Variants in PTPRD observed in about 807,000 individuals in gnomAD.
PTPRD encodes receptor-type tyrosine-protein phosphatase delta.
Under a neutral mutation model 214.5 loss-of-function variants are expected in PTPRD, and 34 were observed. That is an observed-to-expected ratio of 0.16 (90% confidence interval 0.12 to 0.21). The LOEUF (loss-of-function observed/expected upper bound fraction) is 0.21, where lower values mean the gene tolerates loss of function less well. PTPRD is among the 10% of genes least tolerant of loss of function. The pLI, the probability that PTPRD is intolerant of heterozygous loss-of-function variation, is 1.00. For synonymous variants in PTPRD, 1,128 were observed against 845.7 expected (o/e 1.33, Z -5.79); for missense variants, 2,545 against 2,398.7 (o/e 1.06, Z -1.27).
intron 3 of PTPRD, among the ~76,000 whole-genome samples, chr9:10,291,900 T>G (rs1484326826): frequency 6.6e-6 from 1 of 152,174 alleles, no homozygotes; most frequent in East Asian, 1.9e-4. Context: ...TACTGATAAG[T>G]GCACCGGGGA....
At chr9:9,750,587 T>C (rs2098507400) in intron 6 of PTPRD, among the ~76,000 whole-genome samples, 1 of 152,144 alleles carries the variant, frequency 6.6e-6, no homozygotes, top group African/African-American at 2.4e-5. Context: ...TAAATTGTAA[T>C]GTGAAACTCT....
Position 9,593,094 on chromosome 9 carries a change from AAGAC to A in PTPRD, c.-286-18317_-286-18314del, listed in dbSNP as rs199568841. On this transcript the variant is annotated intron_variant, in intron 7 of 45. Coordinates refer to ENST00000381196, the MANE Select transcript of PTPRD (RefSeq NM_002839.4). ...AAAAAAAGAAAGAGAGAGAGGAAGA[AAGAC>A]AGAGAGAGAGAAAGGAAGGAAGGAA... 2.2e-4 allele frequency among the ~76,000 whole-genome samples: 34 copies of A among 151,192 alleles called. No homozygotes were observed. In the East Asian group the frequency reaches 4.9e-3, roughly 22 times the overall value.
At chr9:10,513,492 GGCAATTGCAA>G (rs1424157168) in intron 2 of PTPRD, among the ~76,000 whole-genome samples, 3 of 152,098 alleles carry the variant, frequency 2.0e-5, no homozygotes, top group African/African-American at 7.2e-5. Context: ...GAAGAGCAAT[GGCAATTGCAA>G]GCATACAGGA....
chr9:9,976,671 G>C (rs1414602503), intron 4 of PTPRD, among the ~76,000 whole-genome samples: 9 of 90,660 alleles, frequency 9.9e-5, no homozygotes, highest in Non-Finnish European at 1.4e-4. Flanking sequence ...ACAGGTGTGA[G>C]CCACTACACC....
intron 11 of PTPRD, among the ~76,000 whole-genome samples, chr9:8,768,506 T>C (rs547379648): frequency 1.6e-4 from 24 of 152,204 alleles, no homozygotes; most frequent in African/African-American, 4.3e-4. Flanking sequence ...TGAGCACAGA[T>C]TGAACCACTG....
chr9:9,208,023 T>TTTTTTTTTTTTTTTTTA lies in PTPRD; in HGVS notation c.-202-24661_-202-24660insTAAAAAAAAAAAAAAAA, dbSNP rs1349438560. Among the ~76,000 whole-genome samples, 3 of 104,386 alleles carry TTTTTTTTTTTTTTTTTA rather than the reference T, an allele frequency of 2.9e-5. 1 individual carries two copies. In the East Asian group the frequency reaches 1.0e-3, roughly 35 times the overall value. 68.5% of individuals were successfully genotyped at this position (104,386 alleles called of 152,430 possible). The stretch of plus-strand genomic sequence containing the variant: ...TATGGCTATTCATATATATCTGCTT[T>TTTTTTTTTTTTTTTTTA]TTTTTTTTTTTTTTGAGACAGAGCT... On this transcript the variant is annotated intron_variant, in intron 9 of 45. Transcript: ENST00000381196.
At chr9:9,403,312 C>A (rs372423717) in intron 8 of PTPRD, among the ~76,000 whole-genome samples, 79 of 70,076 alleles carry the variant, frequency 1.1e-3, no homozygotes, top group South Asian at 1.8e-3. Context: ...AAAAAAAAAA[C>A]CAAAACAAAA....
chr9:9,101,556 T>A (rs2099791397), intron 10 of PTPRD, among the ~76,000 whole-genome samples: 1 of 152,200 alleles, frequency 6.6e-6, no homozygotes, highest in East Asian at 1.9e-4. Flanking sequence ...TTGTCATGAC[T>A]GACATTTACA....
At chr9:8,333,157 A>G (rs193123616) in intron 43 of PTPRD, among the ~76,000 whole-genome samples, 26 of 152,252 alleles carry the variant, frequency 1.7e-4, no homozygotes, top group Admixed American at 1.6e-3. Context: ...AGAGAAAACT[A>G]TTTGGCCCCA....
At chr9:9,388,247 G>T (rs1172741450) in intron 9 of PTPRD, among the ~76,000 whole-genome samples, 1 of 152,038 alleles carries the variant, frequency 6.6e-6, no homozygotes, top group Non-Finnish European at 1.5e-5. Flanking sequence ...CCCAGGATGG[G>T]GGTTGTGGCA....
chr9:9,629,238 G>GTGTGTATATATA (rs149327972), intron 7 of PTPRD, among the ~76,000 whole-genome samples: 2 of 140,366 alleles, frequency 1.4e-5, no homozygotes, highest in African/African-American at 5.6e-5. Flanking sequence ...GTGTGTGTGT[G>GTGTGTATATATA]TATATATATA....
At chr9:8,470,675 T>C (rs72692978) in intron 31 of PTPRD, among the ~76,000 whole-genome samples, 1,544 of 152,278 alleles carry the variant, frequency 0.01, 16 homozygotes, top group African/African-American at 0.028. Flanking sequence ...CCAATGGTGA[T>C]TAAGTCTTTG....
chr9:9,763,752 T>G (rs1309664492), intron 6 of PTPRD, among the ~76,000 whole-genome samples: 1 of 140,876 alleles, frequency 7.1e-6, no homozygotes, highest in East Asian at 2.3e-4. Context: ...TATTTCACTG[T>G]CCTTCTTCTT....
At chr9:8,400,885 A>C (rs1335093616) in intron 36 of PTPRD, among the ~76,000 whole-genome samples, 1 of 152,140 alleles carries the variant, frequency 6.6e-6, no homozygotes, top group Non-Finnish European at 1.5e-5. Context: ...CATAGAGATA[A>C]CTCTTAGAAG....
chr9:10,462,065 T>C (rs545935522), intron 2 of PTPRD, among the ~76,000 whole-genome samples: 10 of 152,218 alleles, frequency 6.6e-5, no homozygotes, highest in African/African-American at 1.9e-4. Flanking sequence ...ATATTTAGGA[T>C]TAACACATTG....
chr9:9,487,985 T>A (rs915841783), intron 8 of PTPRD, among the ~76,000 whole-genome samples: 2 of 152,170 alleles, frequency 1.3e-5, no homozygotes, highest in Non-Finnish European at 2.9e-5. Flanking sequence ...ATTTTTCCCA[T>A]GAGGTATTTT....
At chr9:10,017,577 T>A (rs564417645) in intron 4 of PTPRD, among the ~76,000 whole-genome samples, 1 of 152,238 alleles carries the variant, frequency 6.6e-6, no homozygotes, top group South Asian at 2.1e-4. Context: ...CAGGTTTAAA[T>A]CTTTAGTTCA....
chr9:8,751,719 G>A (rs935825801), intron 11 of PTPRD, among the ~76,000 whole-genome samples: 1 of 152,078 alleles, frequency 6.6e-6, no homozygotes, highest in Non-Finnish European at 1.5e-5. Flanking sequence ...TTGAAGCAAG[G>A]CTTTTAACAC....
intron 10 of PTPRD, among the ~76,000 whole-genome samples, chr9:9,168,910 G>A (rs1260441394): frequency 2.0e-5 from 3 of 151,222 alleles, no homozygotes. Flanking sequence ...TTTTTGTAGT[G>A]AAGTAGAATG....
Sources: gnomAD v4.1 joint callset for allele counts (sites outside exome capture counted in the v4.1 genomes callset) on GRCh38, gnomAD v4.1.1 for gene constraint, MANE v1.5 for transcripts, NCBI Gene and HGNC (gene_info 2026-07-23, HGNC 2026-07-21) for gene names.